Variants in NAV1 observed in about 807,000 individuals in gnomAD.
NAV1 encodes neuron navigator 1.
A neutral mutation model predicts 175.2 loss-of-function variants in NAV1; 18 were observed. The ratio of observed to expected loss-of-function variants is 0.10; its 90% CI spans 0.07 to 0.15. NAV1 has a LOEUF of 0.15. Ranked by LOEUF, NAV1 falls within the 10% of genes least tolerant of loss-of-function variation. NAV1 has a pLI of 1.00. For synonymous variants in NAV1, 897 were observed against 978.7 expected, an observed-to-expected ratio of 0.92 and a Z score of 1.56; for missense variants, 1,731 against 2,436.6, an observed-to-expected ratio of 0.71 and a Z score of 6.10.
At chr1:201,792,518 C>T (rs969867206) in intron 13 of NAV1, 1 of 152,184 alleles carries the variant, frequency 6.6e-6, no homozygotes, top group Non-Finnish European at 1.5e-5. Context: ...AAAAGGGTTC[C>T]CCTGGATGGG....
In NAV1 at chr1:201,810,156, G is replaced by A. The variant is rs189218035; in HGVS notation, c.4561+51G>A. 2.8e-4 allele frequency: 450 copies of A among 1,594,604 alleles called. No individual in the cohort carries two copies. In the East Asian group the frequency reaches 4.5e-3, roughly 16 times the overall value. ...GTGGTGTGGCATGAAGGCAGGGACA[G>A]GATCATCAAATAATCCATCATGCAT... On this transcript the variant is annotated intron_variant, in intron 23 of 29. Transcript: ENST00000367296. This position sits in a 1 kb window ranked among gnomAD's most constrained non-coding sequence, Gnocchi z 6.0.
intron 1 of NAV1, among the ~76,000 whole-genome samples, chr1:201,701,560 A>T (rs1295457415): frequency 6.6e-6 from 1 of 152,210 alleles, no homozygotes; most frequent in Non-Finnish European, 1.5e-5. Flanking sequence ...GCTATTGAAC[A>T]CTTGAAATGT....
intron 1 of NAV1, among the ~76,000 whole-genome samples, chr1:201,573,895 C>T (rs1487718219): frequency 6.6e-6 from 1 of 152,002 alleles, no homozygotes; most frequent in Non-Finnish European, 1.5e-5. Flanking sequence ...ATCTCTAAAA[C>T]AATTTTAAAA....
At chr1:201,658,812 G>A (rs1220663847) in intron 1 of NAV1, among the ~76,000 whole-genome samples, 1 of 152,194 alleles carries the variant, frequency 6.6e-6, no homozygotes, top group Non-Finnish European at 1.5e-5. Context: ...GATTATTCTT[G>A]CAGCCTATGC....
In NAV1 at chr1:201,595,995, A is replaced by G. The variant is rs75005442; in HGVS notation, c.-33+7346A>G. Among the ~76,000 whole-genome samples, 508 of 152,342 alleles carry G rather than the reference A, an allele frequency of 3.3e-3. 4 individuals carry two copies. Among genetic ancestry groups the G allele is most frequent in the East Asian group, 0.027 (138 of 5,192 alleles). ...CTGTGGAGTCATGGTTTAGAATATCAGCTCTGGAGCCAGCAGCCTGGGCTT... is the reference window on the plus strand; with the variant it reads ...CTGTGGAGTCATGGTTTAGAATATCGGCTCTGGAGCCAGCAGCCTGGGCTT... On this transcript the variant is annotated intron_variant, in intron 2 of 33. Coordinates refer to the NAV1 transcript ENST00000685211.
intron 1 of NAV1, among the ~76,000 whole-genome samples, chr1:201,684,061 G>T (rs1176935407): frequency 6.6e-6 from 1 of 152,034 alleles, no homozygotes; most frequent in East Asian, 1.9e-4. Flanking sequence ...GCTGTTAGGG[G>T]AGCACTTTTA....
intron 1 of NAV1, among the ~76,000 whole-genome samples, chr1:201,558,985 T>C (rs1666118636): frequency 6.6e-6 from 1 of 152,106 alleles, no homozygotes; most frequent in African/African-American, 2.4e-5. Context: ...TCTGCTTCTT[T>C]AGTTCAGCAT....
chr1:201,788,416 T>C lies in NAV1; in HGVS notation c.2996-52T>C. 6.2e-7 allele frequency: 1 copy of C among 1,605,018 alleles called. No individual in the cohort carries two copies. Among genetic ancestry groups the C allele is most frequent in the South Asian group, 1.1e-5 (1 of 90,790 alleles). On this transcript the variant is annotated intron_variant, in intron 9 of 29. Coordinates refer to ENST00000367296, the Ensembl canonical transcript of NAV1. The surrounding 1 kb of genome is among the most constrained non-coding windows in gnomAD (Gnocchi z 5.7). The stretch of plus-strand genomic sequence containing the variant: ...CCCGGAGAGCTGATGACCCTGCCTC[T>C]TTTCCTGCCCTCCTGCTCCCTCTCC...
At chr1:201,620,694 C>G (rs1230779590), upstream of NAV1, among the ~76,000 whole-genome samples, 1 of 152,026 alleles carries the variant, frequency 6.6e-6, no homozygotes, top group East Asian at 1.9e-4. Context: ...GTCTCAAACT[C>G]CTGACCTCAG....
chr1:201,603,285 C>T (rs1667575046), intron 2 of NAV1, among the ~76,000 whole-genome samples: 2 of 152,220 alleles, frequency 1.3e-5, no homozygotes, highest in African/African-American at 4.8e-5. Flanking sequence ...CCTGCAGTAA[C>T]TCAAGTCAAT....
intron 16 of NAV1, chr1:201,804,013 G>T: frequency 2.0e-6 from 1 of 512,430 alleles, no homozygotes. Context: ...TACTCAGAAG[G>T]AAACATCTTA....
intron 2 of NAV1, among the ~76,000 whole-genome samples, chr1:201,641,082 T>C (rs1186784739): frequency 6.6e-6 from 1 of 152,158 alleles, no homozygotes. Context: ...AGGACTCTAA[T>C]TCTACCTCCA....
At chr1:201,670,745 G>A (rs1670010667) in intron 1 of NAV1, among the ~76,000 whole-genome samples, 1 of 152,120 alleles carries the variant, frequency 6.6e-6, no homozygotes, top group Non-Finnish European at 1.5e-5. Context: ...ATGTTTTGGT[G>A]ATGGTGGTGG....
At chr1:201,762,854 A>G (rs1674950359) in intron 3 of NAV1, among the ~76,000 whole-genome samples, 2 of 152,266 alleles carry the variant, frequency 1.3e-5, no homozygotes, top group Admixed American at 1.3e-4. Context: ...CTAAGGAAAC[A>G]CTGCAGGAAG....
At chr1:201,602,366 G>A (rs1254833188) in intron 2 of NAV1, among the ~76,000 whole-genome samples, 1 of 152,058 alleles carries the variant, frequency 6.6e-6, no homozygotes, top group African/African-American at 2.4e-5. Flanking sequence ...TTTTGAGATG[G>A]AGTCTCGTTC....
At chr1:201,569,762 G>A (rs1041639460) in intron 1 of NAV1, among the ~76,000 whole-genome samples, 10 of 152,276 alleles carry the variant, frequency 6.6e-5, no homozygotes, top group South Asian at 6.2e-4. Context: ...GAAGCCCCTC[G>A]CAGTATCCGC....
intron 1 of NAV1, among the ~76,000 whole-genome samples, chr1:201,672,156 C>T (rs1257205616): frequency 2.0e-5 from 3 of 152,198 alleles, no homozygotes; most frequent in African/African-American, 7.2e-5. Flanking sequence ...TTTCTCCCAC[C>T]TTGATCCTCC....
chr1:201,704,639 T>A (rs1197212364), intron 1 of NAV1, among the ~76,000 whole-genome samples: 2 of 152,230 alleles, frequency 1.3e-5, no homozygotes, highest in Non-Finnish European at 2.9e-5. Flanking sequence ...ACTGGTGGTA[T>A]GCAATGAGAT....
chr1:201,754,597 T>C (rs1228058917), intron 3 of NAV1, among the ~76,000 whole-genome samples: 1 of 152,102 alleles, frequency 6.6e-6, no homozygotes, highest in African/African-American at 2.4e-5. Context: ...ATGAGTGTAG[T>C]AGTTGAAAGG....
Sources: gnomAD v4.1 joint callset for allele counts (sites outside exome capture counted in the v4.1 genomes callset) on GRCh38, gnomAD v4.1.1 for gene constraint, Gnocchi (gnomAD v3.1) non-coding constraint, MANE v1.5 for transcripts, NCBI Gene and HGNC (gene_info 2026-07-23, HGNC 2026-07-21) for gene names.